ZNG1E: variants seen among roughly 807,000 people sequenced by gnomAD.
ZNG1E encodes Zn regulated GTPase metalloprotein activator 1E.
chr9:65,732,712 A>G, the ZNG1E span: 2 of 1,224,032 alleles, frequency 1.6e-6, no homozygotes, highest in Admixed American at 5.6e-5. Flanking sequence ...GGTTGTGATA[A>G]AAAACACTGA....
the ZNG1E span, among the ~76,000 whole-genome samples, chr9:65,675,243 A>G: frequency 6.6e-6 from 1 of 152,288 alleles, no homozygotes; most frequent in Non-Finnish European, 1.5e-5. Flanking sequence ...AAAGGAGTTC[A>G]CTATAAATTT....
chr9:65,665,177 C>T, the ZNG1E span, among the ~76,000 whole-genome samples: 3 of 152,280 alleles, frequency 2.0e-5, no homozygotes, highest in Non-Finnish European at 4.4e-5. Context: ...ATCCCCAAGA[C>T]AATGGGGAAA....
chr9:65,660,851 A>G, the ZNG1E span, among the ~76,000 whole-genome samples: 1 of 142,442 alleles, frequency 7.0e-6, no homozygotes, highest in Non-Finnish European at 1.5e-5. Context: ...ATATATATAT[A>G]TATAAAATAA....
chr9:65,721,858 G>T, the ZNG1E span, among the ~76,000 whole-genome samples: 1 of 150,444 alleles, frequency 6.6e-6, no homozygotes, highest in African/African-American at 2.5e-5. Flanking sequence ...GGATTCAGAG[G>T]CATGAACAAT....
the ZNG1E span, chr9:65,701,061 AG>A: frequency 1.7e-5 from 2 of 119,508 alleles, no homozygotes. Flanking sequence ...GTTATAGTTC[AG>A]GGACTTTGTT....
the ZNG1E span, among the ~76,000 whole-genome samples, chr9:65,675,205 G>A: frequency 6.6e-6 from 1 of 152,414 alleles, no homozygotes; most frequent in South Asian, 2.1e-4. Context: ...TAACTTACTG[G>A]TAATGCTTTT....
chr9:65,680,866 G>T, the ZNG1E span, among the ~76,000 whole-genome samples: 1 of 151,992 alleles, frequency 6.6e-6, no homozygotes, highest in African/African-American at 2.4e-5. Flanking sequence ...TCGGGTCACT[G>T]CAACCTCCGC....
At chr9:65,661,888 A>C in the ZNG1E span, among the ~76,000 whole-genome samples, 2 of 152,266 alleles carry the variant, frequency 1.3e-5, no homozygotes, top group African/African-American at 4.8e-5. Context: ...CACTTAAATG[A>C]GTGGCTAAGT....
chr9:65,678,547 A>G, the ZNG1E span, among the ~76,000 whole-genome samples: 1 of 148,082 alleles, frequency 6.8e-6, no homozygotes, highest in Admixed American at 6.8e-5. Flanking sequence ...ACAAAAAAAA[A>G]AAAGATAAAG....
At chr9:65,714,234 G>T in the ZNG1E span, among the ~76,000 whole-genome samples, 4 of 148,870 alleles carry the variant, frequency 2.7e-5, no homozygotes, top group African/African-American at 1.0e-4. Flanking sequence ...TCTCTGTATT[G>T]GTTATTCTAG....
chr9:65,684,550 G>GCACACGCACACACACACACA, the ZNG1E span, among the ~76,000 whole-genome samples: 7 of 132,762 alleles, frequency 5.3e-5, no homozygotes, highest in African/African-American at 2.1e-4. Context: ...ACACACGCAC[G>GCACACGCACACACACACACA]CACACACACA....
the ZNG1E span, among the ~76,000 whole-genome samples, chr9:65,679,724 T>C: frequency 6.6e-6 from 1 of 152,232 alleles, no homozygotes; most frequent in Non-Finnish European, 1.5e-5. Context: ...CCAGATAATT[T>C]TTGTATTTTT....
At chr9:65,659,088 C>T in the ZNG1E span, among the ~76,000 whole-genome samples, 8 of 152,336 alleles carry the variant, frequency 5.3e-5, no homozygotes, top group African/African-American at 1.7e-4. Flanking sequence ...CTATGTGTTT[C>T]CGTGCTCAGA....
At chr9:65,655,200 T>C in the ZNG1E span, among the ~76,000 whole-genome samples, 3 of 151,728 alleles carry the variant, frequency 2.0e-5, no homozygotes, top group South Asian at 6.3e-4. Flanking sequence ...GATGACTGGA[T>C]TGGAAAATGA....
At chr9:65,685,648 TCC>T in the ZNG1E span, among the ~76,000 whole-genome samples, 1 of 151,810 alleles carries the variant, frequency 6.6e-6, no homozygotes, top group African/African-American at 2.4e-5. Flanking sequence ...TCTTACTGTT[TCC>T]ACCATATCTG....
chr9:65,675,255 T>C, the ZNG1E span, among the ~76,000 whole-genome samples: 1 of 152,282 alleles, frequency 6.6e-6, no homozygotes, highest in Non-Finnish European at 1.5e-5. Flanking sequence ...TATAAATTTA[T>C]ATTAGAAAGA....
At chr9:65,706,986 T>C in the ZNG1E span, 6 of 129,448 alleles carry the variant, frequency 4.6e-5, 1 homozygote, top group African/African-American at 6.7e-5. Context: ...ATTTTTATTT[T>C]TATTTTTATT....
chr9:65,662,482 CAT>C, the ZNG1E span, among the ~76,000 whole-genome samples: 1 of 152,196 alleles, frequency 6.6e-6, no homozygotes, highest in Non-Finnish European at 1.5e-5. Flanking sequence ...AAGATATTAA[CAT>C]TCAGGAAAGC....
At chr9:65,720,980 A>AAC in the ZNG1E span, among the ~76,000 whole-genome samples, 2 of 150,822 alleles carry the variant, frequency 1.3e-5, no homozygotes, top group Admixed American at 1.3e-4. Flanking sequence ...GGTAAAAAAA[A>AAC]AAAAAAAAAC....
Sources: allele counts gnomAD v4.1 joint callset (sites outside exome capture counted in the v4.1 genomes callset), GRCh38; gene constraint gnomAD v4.1.1; transcripts MANE v1.5; gene names NCBI Gene and HGNC (gene_info 2026-07-23, HGNC 2026-07-21).